GLT1D1: variants seen among roughly 807,000 people sequenced by gnomAD.
The protein encoded by GLT1D1 is glycosyltransferase 1 domain-containing protein 1.
A neutral mutation model predicts 28.7 loss-of-function variants in GLT1D1; 21 were observed. The ratio of observed to expected loss-of-function variants is 0.73; its 90% CI spans 0.52 to 1.05. GLT1D1 has a LOEUF of 1.05. Ranked by LOEUF, GLT1D1 falls within the 50% of genes least tolerant of loss-of-function variation. GLT1D1 has a pLI of 0.00. For synonymous variants in GLT1D1, 147 were observed against 124.8 expected (o/e 1.18, Z -1.19); for missense variants, 343 against 330.6 (o/e 1.04, Z -0.29).
chr12:128,948,785 A>G (rs1416356442), intron 6 of GLT1D1, among the ~76,000 whole-genome samples: 6 of 152,222 alleles, frequency 3.9e-5, no homozygotes, highest in Non-Finnish European at 8.8e-5. Flanking sequence ...AACTAGGAAA[A>G]AAATCCTCTC....
intron 4 of GLT1D1, 93 bp from the exon 9 acceptor site, chr12:128,945,233 C>T: frequency 7.6e-7 from 1 of 1,310,350 alleles, no homozygotes; most frequent in Non-Finnish European, 1.1e-6. Context: ...CCACGCCGCG[C>T]TGGCACCAGG....
chr12:128,978,080 C>T (rs148428948), intron 7 of GLT1D1, among the ~76,000 whole-genome samples: 13 of 151,852 alleles, frequency 8.6e-5, no homozygotes, highest in South Asian at 2.1e-4. Context: ...TCCCCGCACC[C>T]GGCCTGTGAG....
chr12:128,911,863 C>A (rs1871562164), intron 4 of GLT1D1, among the ~76,000 whole-genome samples: 1 of 152,028 alleles, frequency 6.6e-6, no homozygotes, highest in Non-Finnish European at 1.5e-5. Flanking sequence ...GGTAACTTAC[C>A]AGACGCTTTC....
chr12:128,865,889 C>T (rs377666582), intron 1 of GLT1D1, among the ~76,000 whole-genome samples: 75 of 152,116 alleles, frequency 4.9e-4, no homozygotes, highest in Middle Eastern at 3.4e-3. Flanking sequence ...CCAAACAATA[C>T]AGCAGAACAA....
intron 7 of GLT1D1, among the ~76,000 whole-genome samples, chr12:128,982,403 T>C (rs1167359826): frequency 6.6e-6 from 1 of 152,162 alleles, no homozygotes; most frequent in Non-Finnish European, 1.5e-5. Context: ...TGCTTTCCAC[T>C]AAAGCAGATA....
intron 1 of GLT1D1, among the ~76,000 whole-genome samples, chr12:128,867,861 G>A (rs1385654035): frequency 1.3e-5 from 2 of 152,188 alleles, no homozygotes; most frequent in Admixed American, 1.3e-4. Context: ...AGAGGTCAAT[G>A]GTCTGGAATT....
At chr12:128,982,840 G>A (rs1265259420) in intron 7 of GLT1D1, 89 bp from the exon 12 acceptor site, 11 of 1,238,504 alleles carry the variant, frequency 8.9e-6, no homozygotes, top group Non-Finnish European at 1.3e-5. Flanking sequence ...GGCAAGGCCA[G>A]CAGCCAATGC....
rs371086609 is a variant in GLT1D1 at position 128,902,129 on chromosome 12, A to G, written c.375+2842A>G. 4.1e-4 allele frequency among the ~76,000 whole-genome samples: 62 copies of G among 151,806 alleles called. 1 individual carries two copies. In the East Asian group the frequency reaches 0.01, roughly 26 times the overall value. On this transcript the variant is annotated intron_variant, in intron 4 of 7. Coordinates refer to ENST00000281703, the MANE Select transcript of GLT1D1 (RefSeq NM_144669.3). ...GATCAATATGTGACCTATAGAATCA[A>G]GTACAGATGAAAGATCAGTTCATAG...
rs575968537 is a variant in GLT1D1 at position 128,857,850 on chromosome 12, A to G, written c.68+4201A>G. 3.9e-5 allele frequency among the ~76,000 whole-genome samples: 6 copies of G among 152,312 alleles called. No individual in the cohort carries two copies. The South Asian group carries it at 8.3e-4, about 21-fold the overall frequency. On this transcript the variant is annotated intron_variant, in intron 1 of 7. Coordinates refer to ENST00000281703, the MANE Select transcript of GLT1D1 (RefSeq NM_144669.3). ...TAAAGCAACACCCCATCTATAAGTA[A>G]GGGTGCTAAATCCTCATGAATGTAT...
At chr12:128,964,070 A>T (rs978334649) in intron 7 of GLT1D1, among the ~76,000 whole-genome samples, 1 of 152,192 alleles carries the variant, frequency 6.6e-6, no homozygotes, top group African/African-American at 2.4e-5. Context: ...AAGGGCCGAG[A>T]CAGCTCTCTG....
chr12:128,976,732 C>A (rs772056860), intron 7 of GLT1D1, among the ~76,000 whole-genome samples: 12 of 152,226 alleles, frequency 7.9e-5, no homozygotes, highest in Non-Finnish European at 1.6e-4. Context: ...CCAGCCCCAG[C>A]ATGCATCCTG....
chr12:128,875,115 GA>G (rs1464876626), intron 1 of GLT1D1, among the ~76,000 whole-genome samples: 1 of 150,414 alleles, frequency 6.6e-6, no homozygotes, highest in Non-Finnish European at 1.5e-5. Context: ...GAAAAACCAG[GA>G]AGTATTTTTT....
chr12:128,905,218 G>A (rs1870730234), intron 4 of GLT1D1, among the ~76,000 whole-genome samples: 1 of 152,222 alleles, frequency 6.6e-6, no homozygotes, highest in Admixed American at 6.5e-5. Context: ...AGTTACTAGT[G>A]ACATCATATT....
At chr12:128,868,879 CT>C (rs905084782) in intron 1 of GLT1D1, among the ~76,000 whole-genome samples, 1 of 151,986 alleles carries the variant, frequency 6.6e-6, no homozygotes, top group African/African-American at 2.4e-5. Context: ...TGTTTTCTTT[CT>C]TTTTTTTGAG....
intron 7 of GLT1D1, among the ~76,000 whole-genome samples, chr12:128,967,842 C>G (rs1471299923): frequency 6.6e-6 from 1 of 152,208 alleles, no homozygotes; most frequent in Admixed American, 6.5e-5. Flanking sequence ...TGTGTAAGCA[C>G]CAGCCCGTGC....
intron 4 of GLT1D1, among the ~76,000 whole-genome samples, chr12:128,919,047 C>T (rs189917678): frequency 3.3e-4 from 51 of 152,304 alleles, no homozygotes; most frequent in African/African-American, 1.0e-3. Flanking sequence ...TGGCAGATAA[C>T]GGCTTAAGGG....
intron 3 of GLT1D1, among the ~76,000 whole-genome samples, chr12:128,893,182 T>C (rs1593093359): frequency 6.6e-6 from 1 of 151,846 alleles, no homozygotes; most frequent in African/African-American, 2.4e-5. Context: ...GAGGCAGAGG[T>C]TGAAGTGAGC....
chr12:128,934,693 G>A lies in GLT1D1; in HGVS notation c.376-10633G>A, dbSNP rs186668698. ...AAAGTTATTGATTAGAAGAAGACAA[G>A]GTCTCACTAAGAGAATTCCTGGGCA... On this transcript the variant is annotated intron_variant, in intron 4 of 7. Transcript: ENST00000281703. Among the ~76,000 whole-genome samples the A allele has an allele frequency of 2.4e-3, 369 of 152,322 alleles. 2 individuals carry two copies. The highest frequency in any genetic ancestry group is 8.3e-3 in the African/African-American group (344 of 41,572).
intron 5 of GLT1D1, among the ~76,000 whole-genome samples, chr12:128,946,385 C>T (rs770713936): frequency 2.0e-5 from 3 of 152,092 alleles, no homozygotes; most frequent in Non-Finnish European, 4.4e-5. Flanking sequence ...TTCGCTCTGT[C>T]GCTCAGGCTG....
Sources: gnomAD v4.1 joint callset for allele counts (sites outside exome capture counted in the v4.1 genomes callset) on GRCh38, gnomAD v4.1.1 for gene constraint, MANE v1.5 for transcripts, NCBI Gene and HGNC (gene_info 2026-07-23, HGNC 2026-07-21) for gene names.